Variants in ZDHHC14 observed in about 807,000 individuals in gnomAD.
ZDHHC14 encodes palmitoyltransferase ZDHHC14.
Under a neutral mutation model 47.7 loss-of-function variants are expected in ZDHHC14, and 16 were observed. That is an observed-to-expected ratio of 0.34 (90% CI 0.23 to 0.51). The LOEUF (loss-of-function observed/expected upper bound fraction) is 0.51. ZDHHC14 is among the 20% of genes least tolerant of loss of function. The pLI is 0.97. For missense variants in ZDHHC14, 515 were observed against 662.5 expected, an observed-to-expected ratio of 0.78 and a Z score of 2.44; for synonymous variants, 293 against 278.9, an observed-to-expected ratio of 1.05 and a Z score of -0.50.
chr6:157,483,303 T>C (rs775778350), intron 1 of ZDHHC14, among the ~76,000 whole-genome samples: 2 of 152,238 alleles, frequency 1.3e-5, no homozygotes, highest in African/African-American at 2.4e-5. Context: ...ACACTCTGTA[T>C]GCAATTCATG....
At chr6:157,573,229 G>A (rs969106526) in intron 2 of ZDHHC14, among the ~76,000 whole-genome samples, 3 of 152,060 alleles carry the variant, frequency 2.0e-5, no homozygotes, top group African/African-American at 7.2e-5. Context: ...GGAGCTCTGG[G>A]GACTCCTCTG....
intron 1 of ZDHHC14, among the ~76,000 whole-genome samples, chr6:157,388,647 A>G (rs997625714): frequency 6.6e-6 from 1 of 152,228 alleles, no homozygotes; most frequent in African/African-American, 2.4e-5. Flanking sequence ...GTTCATCACT[A>G]AATATGAAGG....
At chr6:157,416,867 C>T (rs1163533360) in intron 1 of ZDHHC14, among the ~76,000 whole-genome samples, 1 of 143,794 alleles carries the variant, frequency 7.0e-6, no homozygotes, top group African/African-American at 2.6e-5. Flanking sequence ...AGTGCAATGG[C>T]GTGATCTTGG....
chr6:157,616,524 C>T (rs532768183), intron 3 of ZDHHC14, among the ~76,000 whole-genome samples: 11 of 152,230 alleles, frequency 7.2e-5, no homozygotes, highest in African/African-American at 2.2e-4. Flanking sequence ...AACCCACAGG[C>T]ACCCTAGAGG....
chr6:157,636,508 C>G (rs1375154806), intron 5 of ZDHHC14, among the ~76,000 whole-genome samples: 1 of 152,168 alleles, frequency 6.6e-6, no homozygotes, highest in East Asian at 1.9e-4. Flanking sequence ...ATCCTCACTT[C>G]CCTCCTGCTG....
chr6:157,536,101 T>G (rs1781537794), intron 1 of ZDHHC14, among the ~76,000 whole-genome samples: 3 of 152,244 alleles, frequency 2.0e-5, no homozygotes. Context: ...TAGCTACTTA[T>G]TATTGAAATG....
At chr6:157,411,856 G>A (rs754334997) in intron 1 of ZDHHC14, among the ~76,000 whole-genome samples, 4 of 151,808 alleles carry the variant, frequency 2.6e-5, no homozygotes, top group Non-Finnish European at 5.9e-5. Context: ...GTGCATTAGT[G>A]TGACATCGGG....
chr6:157,552,354 C>T (rs746077428), intron 2 of ZDHHC14, among the ~76,000 whole-genome samples: 1 of 151,990 alleles, frequency 6.6e-6, no homozygotes, highest in Non-Finnish European at 1.5e-5. Context: ...GCAGGCGGCA[C>T]ATTGGGCACA....
chr6:157,495,642 AG>A (rs1249281188), intron 1 of ZDHHC14, among the ~76,000 whole-genome samples: 1 of 151,048 alleles, frequency 6.6e-6, no homozygotes, highest in Non-Finnish European at 1.5e-5. Flanking sequence ...AAGGCAGAGC[AG>A]GAGGATGGTG....
chr6:157,507,395 T>C (rs1273659241), intron 1 of ZDHHC14, among the ~76,000 whole-genome samples: 4 of 151,886 alleles, frequency 2.6e-5, no homozygotes, highest in African/African-American at 9.7e-5. Context: ...GCAATTCTCA[T>C]GTCTCAGCCT....
intron 8 of ZDHHC14, among the ~76,000 whole-genome samples, chr6:157,668,843 C>A (rs891114331): frequency 6.6e-6 from 1 of 152,222 alleles, no homozygotes; most frequent in Non-Finnish European, 1.5e-5. Context: ...GCCAGTGAGG[C>A]CCACACAGTG....
At chr6:157,626,658 G>A (rs1028057257) in intron 3 of ZDHHC14, among the ~76,000 whole-genome samples, 16 of 152,076 alleles carry the variant, frequency 1.1e-4, no homozygotes, top group Admixed American at 3.3e-4. Context: ...ATTGATGAAC[G>A]TGCATTGATA....
intron 1 of ZDHHC14, among the ~76,000 whole-genome samples, chr6:157,399,543 T>C (rs1392681561): frequency 6.6e-6 from 1 of 152,344 alleles, no homozygotes; most frequent in African/African-American, 2.4e-5. Context: ...GTTGTTGTTA[T>C]TGTACTTAGA....
chr6:157,603,488 A>T (rs955499783), intron 3 of ZDHHC14, among the ~76,000 whole-genome samples: 9 of 152,166 alleles, frequency 5.9e-5, no homozygotes, highest in African/African-American at 2.2e-4. Context: ...CTGCTGGAGC[A>T]CGATGCTTGA....
chr6:157,486,326 C>G (rs1779778049), intron 1 of ZDHHC14, among the ~76,000 whole-genome samples: 1 of 152,216 alleles, frequency 6.6e-6, no homozygotes, highest in African/African-American at 2.4e-5. Context: ...TTCCGTTAAA[C>G]TTGCCAAGCA....
intron 3 of ZDHHC14, among the ~76,000 whole-genome samples, chr6:157,627,061 A>C (rs759282917): frequency 2.6e-5 from 4 of 152,048 alleles, no homozygotes; most frequent in Non-Finnish European, 1.5e-5. Context: ...GCTGTTTCTT[A>C]TTACTACCAC....
chr6:157,411,021 A>G (rs1173917784), intron 1 of ZDHHC14, among the ~76,000 whole-genome samples: 1 of 152,106 alleles, frequency 6.6e-6, no homozygotes, highest in African/African-American at 2.4e-5. Context: ...CACCACAGAC[A>G]TCCGTTAGCT....
intron 5 of ZDHHC14, among the ~76,000 whole-genome samples, chr6:157,636,449 A>G (rs781718803): frequency 5.3e-5 from 8 of 152,076 alleles, no homozygotes; most frequent in Non-Finnish European, 8.8e-5. Context: ...TGCTCGCGGG[A>G]TACCCCGAAG....
At chr6:157,518,537 A>G (rs777486905) in intron 1 of ZDHHC14, among the ~76,000 whole-genome samples, 1 of 152,178 alleles carries the variant, frequency 6.6e-6, no homozygotes, top group Non-Finnish European at 1.5e-5. Flanking sequence ...GTGAATCACC[A>G]TCCCAGTTGT....
Sources: gnomAD v4.1 joint callset for allele counts (sites outside exome capture counted in the v4.1 genomes callset) on GRCh38, gnomAD v4.1.1 for gene constraint, MANE v1.5 for transcripts, NCBI Gene and HGNC (gene_info 2026-07-23, HGNC 2026-07-21) for gene names.